RFX7: variants seen among roughly 807,000 people sequenced by gnomAD.
RFX7 encodes the protein DNA-binding protein RFX7.
A neutral mutation model predicts 111.8 loss-of-function variants in RFX7; 26 were observed. That is an observed-to-expected ratio of 0.23 (90% CI 0.17 to 0.32). RFX7 has a LOEUF of 0.32. Ranked by LOEUF, RFX7 falls within the 10% of genes least tolerant of loss-of-function variation. The pLI is 1.00. For missense variants in RFX7, 1,573 were observed against 1,772.9 expected (o/e 0.89, Z 2.02); for synonymous variants, 624 against 624.4 (o/e 1.00, Z 0.01).
In RFX7 at chr15:56,093,472, G is replaced by A; in HGVS notation, c.4256C>T (p.Thr1419Ile). The A allele has an allele frequency of 6.2e-7, 1 of 1,613,880 alleles. No individual in the cohort carries two copies. The highest frequency in any genetic ancestry group is 8.5e-7 in the Non-Finnish European group (1 of 1,179,828). Residue 1419 changes from threonine (T) to isoleucine (I), a missense_variant, in exon 10 of 10, where the codon ACA (threonine) becomes ATA (isoleucine). Physicochemically the swap from Thr to Ile is moderately conservative, Grantham distance 89. Around this residue, in one of 7 missense-constraint regions of RFX7, gnomAD observed 411 missense variants for 478.1 expected, o/e 0.86. Transcript: ENST00000559447. ...TGGGTCATTCTTTAATTCTTCCAGTGTAGCTTCATCATCTTGTCCCTGCTG... is the reference window on the plus strand; with the variant it reads ...TGGGTCATTCTTTAATTCTTCCAGTATAGCTTCATCATCTTGTCCCTGCTG... ...GRQQGQDDEA[T>I]LEELKNDPLF...
intron 2 of RFX7, among the ~76,000 whole-genome samples, chr15:56,190,411 T>A (rs1486286918): frequency 6.6e-6 from 1 of 152,180 alleles, no homozygotes; most frequent in Non-Finnish European, 1.5e-5. Context: ...ACAGCCCATA[T>A]CTAGACACTA....
intron 5 of RFX7, among the ~76,000 whole-genome samples, chr15:56,127,694 C>T (rs1336800285): frequency 7.9e-5 from 12 of 151,536 alleles, no homozygotes; most frequent in Admixed American, 2.6e-4. Flanking sequence ...ACTACAGGCG[C>T]GCGCCACCAT....
At chr15:56,140,682 G>C (rs1467546840) in intron 5 of RFX7, among the ~76,000 whole-genome samples, 2 of 152,092 alleles carry the variant, frequency 1.3e-5, no homozygotes, top group African/African-American at 2.4e-5. Flanking sequence ...TAAATTAATT[G>C]CTCAAAATTG....
intron 3 of RFX7, among the ~76,000 whole-genome samples, chr15:56,145,836 A>G (rs1410640767): frequency 6.6e-6 from 1 of 152,190 alleles, no homozygotes; most frequent in Non-Finnish European, 1.5e-5. Flanking sequence ...AAGAATAAGG[A>G]TAATTCGTTT....
At chr15:56,234,539 T>C (rs546001365) in intron 2 of RFX7, among the ~76,000 whole-genome samples, 8 of 152,356 alleles carry the variant, frequency 5.3e-5, no homozygotes, top group Non-Finnish European at 1.0e-4. Context: ...TATTAATAGA[T>C]GTAATGACTG....
intron 5 of RFX7, among the ~76,000 whole-genome samples, chr15:56,109,654 C>T (rs1393119398): frequency 6.6e-6 from 1 of 151,426 alleles, no homozygotes; most frequent in East Asian, 2.0e-4. Context: ...CGTCTCTGTC[C>T]GGCCGCCCAT....
chr15:56,145,957 GAAC>G (rs2042462421), intron 3 of RFX7, among the ~76,000 whole-genome samples: 1 of 152,132 alleles, frequency 6.6e-6, no homozygotes, highest in African/African-American at 2.4e-5. Context: ...CAACAAAGAT[GAAC>G]AACACACCAC....
chr15:56,213,685 A>G (rs942904110), intron 2 of RFX7, among the ~76,000 whole-genome samples: 5 of 152,162 alleles, frequency 3.3e-5, no homozygotes, highest in African/African-American at 1.2e-4. Flanking sequence ...CTGGGTAATA[A>G]AGGGTACACA....
chr15:56,113,440 G>A (rs574730590), intron 5 of RFX7, among the ~76,000 whole-genome samples: 1 of 152,270 alleles, frequency 6.6e-6, no homozygotes, highest in East Asian at 1.9e-4. Context: ...GTAAGTGGGA[G>A]CTGAACAATG....
At chr15:56,108,458 TC>T (rs2041860990) in intron 5 of RFX7, among the ~76,000 whole-genome samples, 1 of 151,844 alleles carries the variant, frequency 6.6e-6, no homozygotes, top group African/African-American at 2.4e-5. Context: ...ACCACATGAT[TC>T]TCTCAATAAA....
rs1467557301 is a variant in RFX7, at chr15:56,095,440, C to G, written c.2288G>C (p.Ser763Thr). ...TGAATCACTGTCCAAGAGAAAGACA[C>G]TTCCTTCAAGTTTTACTTTTATATC... is the stretch of plus-strand genomic sequence containing the variant. Reference protein sequence around the residue: ...SPDIKVKLEGSVFLLDSDSKS... With the variant: ...SPDIKVKLEGTVFLLDSDSKS... The change falls in exon 10 of 10, where the codon AGT becomes ACT. Residue 763 changes from serine to threonine, a missense_variant. By Grantham distance (58) the Ser-to-Thr change is moderately conservative. Around this residue, in one of 7 missense-constraint regions of RFX7, gnomAD observed 625 missense variants for 632.2 expected, o/e 0.99. Coordinates refer to ENST00000559447, the MANE Select transcript of RFX7 (RefSeq NM_022841.7). 1 of 1,612,552 alleles carries G rather than the reference C, an allele frequency of 6.2e-7. No homozygotes were observed. The highest frequency in any genetic ancestry group is 1.3e-5 in the African/African-American group (1 of 74,922).
intron 5 of RFX7, among the ~76,000 whole-genome samples, chr15:56,122,527 C>T (rs117223397): frequency 3.9e-5 from 6 of 152,274 alleles, no homozygotes; most frequent in South Asian, 2.1e-4. Flanking sequence ...ACTGTTACCA[C>T]GACAGGGCTA....
intron 5 of RFX7, among the ~76,000 whole-genome samples, chr15:56,113,672 A>AG (rs1189292183): frequency 1.3e-5 from 2 of 150,374 alleles, no homozygotes; most frequent in Non-Finnish European, 3.0e-5. Context: ...AATAAAATTA[A>AG]AAAAAAAAAA....
At chr15:56,221,863 T>C (rs1320926282) in intron 2 of RFX7, among the ~76,000 whole-genome samples, 4 of 152,318 alleles carry the variant, frequency 2.6e-5, no homozygotes, top group African/African-American at 2.4e-5. Context: ...GATATAAACA[T>C]TGTTAACATT....
chr15:56,168,043 T>C (rs1477092702), intron 3 of RFX7, among the ~76,000 whole-genome samples: 2 of 152,208 alleles, frequency 1.3e-5, no homozygotes, highest in Non-Finnish European at 2.9e-5. Flanking sequence ...AAGCATGATA[T>C]AGCATAGTTT....
Position 56,136,203 on chromosome 15 carries a change from G to A in RFX7, c.401+6575C>T, listed in dbSNP as rs1420217911. 3.3e-5 allele frequency among the ~76,000 whole-genome samples: 5 copies of A among 150,526 alleles called. No homozygotes were observed. The East Asian group carries it at 5.9e-4, about 18-fold the overall frequency. On this transcript the variant is annotated intron_variant, in intron 5 of 9. Coordinates refer to ENST00000559447, the MANE Select transcript of RFX7 (RefSeq NM_022841.7). ...TGGCATTGAATCTGTAAATTACCTT[G>A]GGCAGTATGGCCATTTTCACGATAT... is the stretch of plus-strand genomic sequence containing the variant.
Position 56,207,547 on chromosome 15 carries a change from CAT to C in RFX7, c.162-28246_162-28245del, listed in dbSNP as rs531458480. ...ATGGATCACAGACTTAAATGTAAAA[CAT>C]AGAAATACAAAACATTTGAGAAAAA... On this transcript the variant is annotated intron_variant, in intron 2 of 9. Transcript: ENST00000559447. 1.5e-4 allele frequency among the ~76,000 whole-genome samples: 23 copies of C among 152,156 alleles called. No homozygotes were observed. The South Asian group carries it at 4.4e-3, about 29-fold the overall frequency.
intron 2 of RFX7, among the ~76,000 whole-genome samples, chr15:56,236,817 A>C (rs1423068592): frequency 6.6e-6 from 1 of 152,218 alleles, no homozygotes; most frequent in Non-Finnish European, 1.5e-5. Flanking sequence ...TCCCTACTAC[A>C]ATCTCTCAAC....
At chr15:56,239,860 C>T in intron 2 of RFX7, among the ~76,000 whole-genome samples, 1 of 152,032 alleles carries the variant, frequency 6.6e-6, no homozygotes, top group Non-Finnish European at 1.5e-5. Context: ...TCAAGTAAAA[C>T]TGCCTTAAAA....
Sources: gnomAD v4.1 joint callset for allele counts (sites outside exome capture counted in the v4.1 genomes callset) on GRCh38, gnomAD v4.1.1 for gene constraint, gnomAD v4.1.1 regional missense constraint, MANE v1.5 for transcripts, NCBI Gene and HGNC (gene_info 2026-07-23, HGNC 2026-07-21) for gene names.